Variants in NCALD observed in about 807,000 individuals in gnomAD.
NCALD encodes the protein neurocalcin-delta.
In NCALD, 10 loss-of-function variants were observed where a neutral mutation model predicts 18.6. The ratio of observed to expected loss-of-function variants is 0.54; its 90% CI spans 0.33 to 0.91. NCALD has a LOEUF of 0.91. Among genes scored for constraint, NCALD ranks in the 40% least tolerant of loss-of-function variants. NCALD has a pLI of 0.03. For missense variants in NCALD, 184 were observed against 247.6 expected (o/e 0.74, Z 1.72); for synonymous variants, 88 against 87.4 (o/e 1.01, Z -0.04).
At chr8:101,872,647 G>A (rs1816067550) in intron 4 of NCALD, 1 of 425,826 alleles carries the variant, frequency 2.3e-6, no homozygotes, top group Admixed American at 3.5e-5. Context: ...AGATATGTGG[G>A]CCTAAGTCAA....
chr8:101,883,738 T>C (rs1299614918), intron 4 of NCALD, among the ~76,000 whole-genome samples: 1 of 152,200 alleles, frequency 6.6e-6, no homozygotes, highest in East Asian at 1.9e-4. Flanking sequence ...GTTTAAATTC[T>C]ATCTAAAGAC....
chr8:101,709,397 A>C (rs756266871), intron 2 of NCALD, among the ~76,000 whole-genome samples: 3 of 152,136 alleles, frequency 2.0e-5, no homozygotes, highest in Non-Finnish European at 4.4e-5. Context: ...AGATGGTCTA[A>C]TGTTGTCTAA....
intron 2 of NCALD, among the ~76,000 whole-genome samples, chr8:101,954,201 A>C (rs1482810522): frequency 6.6e-6 from 1 of 152,178 alleles, no homozygotes; most frequent in Non-Finnish European, 1.5e-5. Context: ...TCTCTTACTC[A>C]TCCATATTTT....
intron 1 of NCALD, among the ~76,000 whole-genome samples, chr8:101,773,810 G>A (rs1008805867): frequency 1.1e-4 from 17 of 152,096 alleles, no homozygotes; most frequent in Admixed American, 2.6e-4. Flanking sequence ...GCTATTTCCC[G>A]CTGAAAAACA....
At chr8:102,074,497 T>C (rs1182448995) in intron 1 of NCALD, among the ~76,000 whole-genome samples, 1 of 152,178 alleles carries the variant, frequency 6.6e-6, no homozygotes, top group Non-Finnish European at 1.5e-5. Flanking sequence ...TCTGAACCCC[T>C]AGGAGACTGA....
At chr8:101,929,439 A>G (rs1463675644) in intron 2 of NCALD, among the ~76,000 whole-genome samples, 6 of 27,468 alleles carry the variant, frequency 2.2e-4, no homozygotes, top group East Asian at 1.1e-3. Context: ...GGAAGGAAGG[A>G]AAGGAGGGAG....
chr8:102,104,207 A>G (rs1825376501), intron 1 of NCALD, among the ~76,000 whole-genome samples: 1 of 152,340 alleles, frequency 6.6e-6, no homozygotes, highest in South Asian at 2.1e-4. Flanking sequence ...AGTGAGTATT[A>G]AGATCATCGA....
chr8:101,703,815 G>A (rs904551536), intron 2 of NCALD, among the ~76,000 whole-genome samples: 1 of 152,172 alleles, frequency 6.6e-6, no homozygotes, highest in Admixed American at 6.5e-5. Flanking sequence ...CCAGAGAGCT[G>A]TGGCAGGTCT....
At chr8:101,854,654 A>C (rs1815232799) in intron 4 of NCALD, among the ~76,000 whole-genome samples, 1 of 152,170 alleles carries the variant, frequency 6.6e-6, no homozygotes, top group South Asian at 2.1e-4. Flanking sequence ...TGCTGAATAA[A>C]CATATAGCTT....
intron 4 of NCALD, among the ~76,000 whole-genome samples, chr8:101,821,250 G>A (rs1007711860): frequency 2.6e-5 from 4 of 152,164 alleles, no homozygotes; most frequent in Admixed American, 6.5e-5. Context: ...TGATCAAATT[G>A]ATTTTTAATA....
chr8:101,962,383 G>A (rs1268718477), intron 2 of NCALD, among the ~76,000 whole-genome samples: 1 of 152,150 alleles, frequency 6.6e-6, no homozygotes, highest in Non-Finnish European at 1.5e-5. Context: ...CTTCCATTCA[G>A]CTTGCTTTCA....
chr8:101,963,162 C>A (rs1412189973), intron 2 of NCALD, among the ~76,000 whole-genome samples: 1 of 152,104 alleles, frequency 6.6e-6, no homozygotes, highest in Admixed American at 6.6e-5. Context: ...ACTGAAAGAC[C>A]CTCAAAAAGG....
chr8:101,902,663 C>T (rs61308131), intron 3 of NCALD, among the ~76,000 whole-genome samples: 8,691 of 152,290 alleles, frequency 0.057, 654 homozygotes, highest in African/African-American at 0.17. Flanking sequence ...GCCTTTTCAA[C>T]GCCAGCCCTA....
chr8:102,014,434 G>T lies in NCALD; in HGVS notation c.-157+5803C>A, dbSNP rs184718976. ...TTAAAACCATCTCTTTGGGGGTTGG[G>T]TTTCAACATATGAATTCTGGGGGGT... is the stretch of plus-strand genomic sequence containing the variant. On this transcript the variant is annotated intron_variant, in intron 2 of 6. Coordinates refer to the NCALD transcript ENST00000311028. 3.9e-3 allele frequency among the ~76,000 whole-genome samples: 595 copies of T among 152,144 alleles called. 2 individuals carry two copies. The highest frequency in any genetic ancestry group is 6.3e-3 in the Non-Finnish European group (429 of 67,996).
chr8:101,813,830 A>G (rs1417050111), intron 4 of NCALD, among the ~76,000 whole-genome samples: 3 of 152,056 alleles, frequency 2.0e-5, no homozygotes, highest in Non-Finnish European at 4.4e-5. Context: ...CATGGTGAAA[A>G]TCTGTCCATA....
intron 1 of NCALD, among the ~76,000 whole-genome samples, chr8:102,113,214 C>T (rs1825690605): frequency 6.6e-6 from 1 of 152,176 alleles, no homozygotes; most frequent in Non-Finnish European, 1.5e-5. Context: ...AAATGTCACC[C>T]AGGCAACCAG....
At chr8:101,951,026 G>A (rs1239712529) in intron 2 of NCALD, among the ~76,000 whole-genome samples, 1 of 152,142 alleles carries the variant, frequency 6.6e-6, no homozygotes, top group African/African-American at 2.4e-5. Context: ...TTTGGAGGCC[G>A]CAGGTGCTAG....
chr8:101,833,084 G>A (rs575455096), intron 4 of NCALD, among the ~76,000 whole-genome samples: 15 of 152,252 alleles, frequency 9.9e-5, no homozygotes, highest in African/African-American at 3.1e-4. Flanking sequence ...TTAAGGTGTC[G>A]CCCTTCTTCC....
At chr8:102,068,625 T>C (rs1335886601) in intron 1 of NCALD, among the ~76,000 whole-genome samples, 1 of 152,250 alleles carries the variant, frequency 6.6e-6, no homozygotes, top group Non-Finnish European at 1.5e-5. Flanking sequence ...AGTCTGTTGA[T>C]TTCCTCCATT....
Sources: gnomAD v4.1 joint callset for allele counts (sites outside exome capture counted in the v4.1 genomes callset) on GRCh38, gnomAD v4.1.1 for gene constraint, MANE v1.5 for transcripts, NCBI Gene and HGNC (gene_info 2026-07-23, HGNC 2026-07-21) for gene names.